Variants in CNIH3 observed in about 807,000 individuals in gnomAD.
The protein encoded by CNIH3 is protein cornichon homolog 3.
CNIH3 carries 14 observed loss-of-function variants against 24.1 expected under a neutral mutation model. The ratio of observed to expected loss-of-function variants is 0.58; its 90% CI spans 0.38 to 0.91. The LOEUF is 0.91. Ranked by LOEUF, CNIH3 falls within the 40% of genes least tolerant of loss-of-function variation. The probability of loss-of-function intolerance (pLI) is 0.00; values close to 1 mark genes in which losing one functional copy is unlikely to be tolerated. For synonymous variants in CNIH3, 68 were observed against 73.8 expected (o/e 0.92, Z 0.40); for missense variants, 178 against 196.8 (o/e 0.90, Z 0.57).
intron 3 of CNIH3, among the ~76,000 whole-genome samples, chr1:224,708,358 C>A (rs1687936705): frequency 6.6e-6 from 1 of 152,202 alleles, no homozygotes; most frequent in African/African-American, 2.4e-5. Flanking sequence ...TGTTATCCAG[C>A]TCCTTTTTTC....
At chr1:224,566,452 A>T (rs1680586251) in intron 4 of CNIH3, among the ~76,000 whole-genome samples, 1 of 151,646 alleles carries the variant, frequency 6.6e-6, no homozygotes, top group Non-Finnish European at 1.5e-5. Flanking sequence ...TACATGTGCC[A>T]TGGTGGTTTG....
At chr1:224,724,111 G>A (rs1688890304) in intron 3 of CNIH3, among the ~76,000 whole-genome samples, 1 of 152,180 alleles carries the variant, frequency 6.6e-6, no homozygotes, top group Non-Finnish European at 1.5e-5. Flanking sequence ...TCTGTGTTAA[G>A]TTGCTTATGT....
intron 1 of CNIH3, among the ~76,000 whole-genome samples, chr1:224,494,505 A>G (rs1677354529): frequency 1.3e-5 from 2 of 152,338 alleles, no homozygotes; most frequent in South Asian, 4.1e-4. Context: ...TAACTGATTT[A>G]TCAAGCCTGC....
At chr1:224,607,251 T>G (rs1682469911) in intron 3 of CNIH3, among the ~76,000 whole-genome samples, 1 of 152,168 alleles carries the variant, frequency 6.6e-6, no homozygotes, top group Non-Finnish European at 1.5e-5. Context: ...TCTCAATTGT[T>G]TTTAGAAGTT....
chr1:224,481,423 G>C (rs1676807269), intron 1 of CNIH3, among the ~76,000 whole-genome samples: 1 of 152,206 alleles, frequency 6.6e-6, no homozygotes, highest in Non-Finnish European at 1.5e-5. Flanking sequence ...GGACTTGAGT[G>C]TTGTGATCTA....
Position 224,704,545 on chromosome 1 carries a change from C to T in CNIH3, c.198+19702C>T, listed in dbSNP as rs917787118. On this transcript the variant is annotated intron_variant, in intron 3 of 5. Transcript: ENST00000272133. The surrounding 1 kb of genome is among the most constrained non-coding windows in gnomAD (Gnocchi z 4.2). ...CCACGTAGCCTTCACCAAGATCCGC[C>T]GCTTATTCAGTTTGCCACATTTGCC... is the stretch of plus-strand genomic sequence containing the variant. Among the ~76,000 whole-genome samples, 1 of 152,132 alleles carries T rather than the reference C, an allele frequency of 6.6e-6. No individual in the cohort carries two copies. Among genetic ancestry groups the T allele is most frequent in the African/African-American group, 2.4e-5 (1 of 41,414 alleles).
At chr1:224,499,034 A>G (rs1169728025) in intron 1 of CNIH3, among the ~76,000 whole-genome samples, 1 of 152,198 alleles carries the variant, frequency 6.6e-6, no homozygotes, top group Non-Finnish European at 1.5e-5. Context: ...CCGCTCCGGG[A>G]AGGGGTGCTG....
At chr1:224,467,031 T>C (rs1052761877) in intron 1 of CNIH3, among the ~76,000 whole-genome samples, 1 of 152,062 alleles carries the variant, frequency 6.6e-6, no homozygotes, top group African/African-American at 2.4e-5. Context: ...GTAATTTATC[T>C]TTTCATTCTC....
At chr1:224,614,693 A>G (rs1223673578), upstream of CNIH3, among the ~76,000 whole-genome samples, 1 of 152,074 alleles carries the variant, frequency 6.6e-6, no homozygotes, top group Non-Finnish European at 1.5e-5. Flanking sequence ...TCACGCCTGT[A>G]ATCCCAGCAC....
At chr1:224,618,102 T>G (rs916266754) in intron 1 of CNIH3, among the ~76,000 whole-genome samples, 1 of 152,180 alleles carries the variant, frequency 6.6e-6, no homozygotes, top group Non-Finnish European at 1.5e-5. Context: ...CGCAAGCTTC[T>G]GAATAGGGGA....
At chr1:224,658,682 G>C in intron 1 of CNIH3, among the ~76,000 whole-genome samples, 1 of 148,796 alleles carries the variant, frequency 6.7e-6, no homozygotes. Flanking sequence ...AGACAGCAAA[G>C]ACAGCATGGG....
intron 1 of CNIH3, among the ~76,000 whole-genome samples, chr1:224,641,810 C>T (rs927622442): frequency 7.2e-5 from 11 of 152,180 alleles, no homozygotes; most frequent in African/African-American, 2.2e-4. Context: ...GATCTAGGAT[C>T]GGGATAATGG....
chr1:224,685,419 G>GCA (rs1160248374), intron 3 of CNIH3, among the ~76,000 whole-genome samples: 1 of 152,194 alleles, frequency 6.6e-6, no homozygotes, highest in East Asian at 1.9e-4. Context: ...GCGCATGTGG[G>GCA]CACACACAGT....
At chr1:224,575,280 C>G in intron 4 of CNIH3, 1 of 1,135,750 alleles carries the variant, frequency 8.8e-7, no homozygotes, top group Admixed American at 1.7e-5. Flanking sequence ...CAACTTTGAA[C>G]TGAACAGCCA....
chr1:224,556,460 C>T (rs538715087), intron 3 of CNIH3, among the ~76,000 whole-genome samples: 32 of 152,294 alleles, frequency 2.1e-4, no homozygotes, highest in Admixed American at 7.8e-4. Context: ...TTACTTTCTT[C>T]CATAGATTCC....
intron 1 of CNIH3, among the ~76,000 whole-genome samples, chr1:224,450,427 A>G (rs550202214): frequency 6.6e-6 from 1 of 152,338 alleles, no homozygotes; most frequent in South Asian, 2.1e-4. Context: ...GGCCTCTCTC[A>G]GGGGTACCCT....
At chr1:224,558,503 G>C (rs529019973) in intron 3 of CNIH3, among the ~76,000 whole-genome samples, 16 of 152,150 alleles carry the variant, frequency 1.1e-4, no homozygotes, top group Admixed American at 1.0e-3. Flanking sequence ...ATTTTCTGTA[G>C]AGAATTGAAA....
intron 1 of CNIH3, among the ~76,000 whole-genome samples, chr1:224,446,357 G>A (rs1041836171): frequency 3.3e-5 from 5 of 152,010 alleles, no homozygotes; most frequent in African/African-American, 1.2e-4. Context: ...AATTTGGGGA[G>A]AACAGACATC....
At chr1:224,623,078 C>G (rs1414773240) in intron 1 of CNIH3, among the ~76,000 whole-genome samples, 1 of 152,124 alleles carries the variant, frequency 6.6e-6, no homozygotes, top group Non-Finnish European at 1.5e-5. Flanking sequence ...TGTTGGTTAT[C>G]TGACCTCCCC....
Sources: allele counts gnomAD v4.1 joint callset (sites outside exome capture counted in the v4.1 genomes callset), GRCh38; gene constraint gnomAD v4.1.1; non-coding constraint Gnocchi (gnomAD v3.1); transcripts MANE v1.5; gene names NCBI Gene and HGNC (gene_info 2026-07-23, HGNC 2026-07-21).